ZNF69: variants seen among roughly 807,000 people sequenced by gnomAD.
ZNF69 encodes the protein zinc finger protein 69, also known as ZNF3.
A neutral mutation model predicts 50.9 loss-of-function variants in ZNF69; 47 were observed. That is an observed-to-expected ratio of 0.92 (90% CI 0.73 to 1.18). The LOEUF is 1.18. Among genes scored for constraint, ZNF69 ranks in the 50% most tolerant of loss-of-function variants. The pLI, the probability that ZNF69 is intolerant of heterozygous loss-of-function variation, is 0.00. For missense variants in ZNF69, 717 were observed against 675.1 expected (o/e 1.06, Z -0.69); for synonymous variants, 216 against 223.1 (o/e 0.97, Z 0.29).
At chr19:11,933,251 CAA>C in the ZNF69 span, among the ~76,000 whole-genome samples, 5 of 121,186 alleles carry the variant, frequency 4.1e-5, no homozygotes, top group African/African-American at 3.4e-5. Flanking sequence ...GGCCCTGTTT[CAA>C]AAAAAAAAAA....
the ZNF69 span, chr19:11,926,716 C>CGTTTAGTTTAGTTTAGTTTAGTTT: frequency 6.5e-6 from 1 of 154,206 alleles, no homozygotes; most frequent in African/African-American, 2.4e-5. Context: ...TTTAGTTTAC[C>CGTTTAGTTTAGTTTAGTTTAGTTT]AGTTTAGGGG....
At chr19:11,941,679 T>G in the ZNF69 span, among the ~76,000 whole-genome samples, 1 of 151,924 alleles carries the variant, frequency 6.6e-6, no homozygotes, top group Admixed American at 6.5e-5. Context: ...CGCCTCTCCC[T>G]CCACCCCTCC....
the ZNF69 span, among the ~76,000 whole-genome samples, chr19:11,931,614 GAAAC>G: frequency 1.4e-5 from 2 of 148,014 alleles, no homozygotes; most frequent in Non-Finnish European, 2.9e-5. Context: ...TTTAGTGAGG[GAAAC>G]AAACTGCACT....
the ZNF69 span, among the ~76,000 whole-genome samples, chr19:11,936,381 T>C: frequency 1.3e-5 from 2 of 152,258 alleles, no homozygotes; most frequent in African/African-American, 4.8e-5. Context: ...ATTGCCATTC[T>C]AACTGGCGTG....
chr19:11,952,405 T>C, the ZNF69 span, among the ~76,000 whole-genome samples: 1 of 152,228 alleles, frequency 6.6e-6, no homozygotes, highest in Non-Finnish European at 1.5e-5. Context: ...TTGTGTAAAT[T>C]GTCTGAATAC....
At chr19:11,917,576 T>C (rs1184376129), downstream of ZNF69, among the ~76,000 whole-genome samples, 2 of 152,110 alleles carry the variant, frequency 1.3e-5, no homozygotes, top group Non-Finnish European at 2.9e-5. Context: ...CCTTTTGTTT[T>C]TTTACAGAAT....
chr19:11,925,054 TGCTGGG>T, the ZNF69 span: 2 of 715,852 alleles, frequency 2.8e-6, no homozygotes, highest in Admixed American at 5.3e-5. Context: ...CAATCAGAGG[TGCTGGG>T]GCGTGGCACT....
At chr19:11,954,181 T>C in the ZNF69 span, among the ~76,000 whole-genome samples, 1 of 152,170 alleles carries the variant, frequency 6.6e-6, no homozygotes, top group Non-Finnish European at 1.5e-5. Context: ...CAAAAACTTA[T>C]ATACCATTCC....
chr19:11,941,790 G>A, the ZNF69 span, among the ~76,000 whole-genome samples: 8 of 152,370 alleles, frequency 5.3e-5, no homozygotes, highest in Admixed American at 5.2e-4. Context: ...GCCAAAGTGG[G>A]AGCCCAGGCA....
At chr19:11,974,126 TTTTCTTTC>T in the ZNF69 span, among the ~76,000 whole-genome samples, 1,500 of 54,898 alleles carry the variant, frequency 0.027, 41 homozygotes, top group African/African-American at 0.073. Flanking sequence ...TCTTTCTTTC[TTTTCTTTC>T]TTTCTTTCTT....
At chr19:11,927,325 A>G in the ZNF69 span, among the ~76,000 whole-genome samples, 10 of 152,166 alleles carry the variant, frequency 6.6e-5, no homozygotes, top group African/African-American at 2.4e-4. Flanking sequence ...ACTGCACTCC[A>G]GTGTGGGTAA....
Position 11,903,558 on chromosome 19 carries a change from T to C in ZNF69, c.64-15T>C, listed in dbSNP as rs755591935. 19 of 1,613,828 alleles carry C rather than the reference T, an allele frequency of 1.2e-5. No homozygotes were observed. In the African/African-American group the frequency reaches 2.1e-4, roughly 18 times the overall value. On this transcript the variant is annotated splice_polypyrimidine_tract_variant and intron_variant, in intron 1 of 3. Transcript: ENST00000429654. ...ACTCTCACCCATCCTCCTCTACACA[T>C]GTGAGATGTTTCAGGACCCAGTGGC...
the ZNF69 span, among the ~76,000 whole-genome samples, chr19:11,925,469 T>C: frequency 1.3e-5 from 2 of 152,092 alleles, no homozygotes; most frequent in Non-Finnish European, 2.9e-5. Flanking sequence ...GGGCGTCCTG[T>C]CCCGTCCCTG....
the ZNF69 span, chr19:11,925,017 GT>G: frequency 0.012 from 6,722 of 543,814 alleles, 393 homozygotes; most frequent in African/African-American, 0.12. Context: ...TCACTCAGAT[GT>G]GGGGGGCGGG....
Position 11,905,286 on chromosome 19 carries a change from A to C in ZNF69, c.889A>C (p.Ile297Leu), listed in dbSNP as rs755392991. The change falls in exon 4 of 4, where the codon ATT (isoleucine) becomes CTT (leucine). Residue 297 changes from isoleucine (I) to leucine (L), a missense_variant. By Grantham distance (5) the Ile-to-Leu change is conservative (BLOSUM62 2). Transcript: ENST00000429654. ...SPRCYRRHER[I>L]HTGEKAYQCK... ...CAGATGCTATCGTAGACATGAAAGG[A>C]TTCACACGGGAGAGAAGGCTTATCA... The C allele has an allele frequency of 4.3e-6, 7 of 1,614,036 alleles. No individual in the cohort carries two copies. The African/African-American group carries it at 8.0e-5, about 18-fold the overall frequency.
At chr19:11,910,939 T>C (rs547814589), downstream of ZNF69, among the ~76,000 whole-genome samples, 117 of 152,300 alleles carry the variant, frequency 7.7e-4, no homozygotes, top group African/African-American at 2.7e-3. Context: ...AAAGGGCTAA[T>C]ATCCAGAATC....
intron 1 of ZNF69, among the ~76,000 whole-genome samples, chr19:11,901,073 C>G (rs1972234152): frequency 6.6e-6 from 1 of 152,052 alleles, no homozygotes; most frequent in Admixed American, 6.5e-5. Context: ...TTTGTGCCAC[C>G]ATGCCTAATT....
the ZNF69 span, among the ~76,000 whole-genome samples, chr19:11,963,141 G>A: frequency 6.6e-6 from 1 of 151,588 alleles, no homozygotes; most frequent in East Asian, 1.9e-4. Context: ...TCTTGCTGAA[G>A]TGCAGTAGCC....
At chr19:11,948,985 C>G in the ZNF69 span, 1,185 of 1,608,426 alleles carry the variant, frequency 7.4e-4, 15 homozygotes, top group African/African-American at 0.015. Context: ...TACCAGTTCT[C>G]TTCGTAGACA....
Sources: gnomAD v4.1 joint callset for allele counts (sites outside exome capture counted in the v4.1 genomes callset) on GRCh38, gnomAD v4.1.1 for gene constraint, MANE v1.5 for transcripts, NCBI Gene and HGNC (gene_info 2026-07-23, HGNC 2026-07-21) for gene names.